The following SLC35F1 variants were observed in gnomAD, a reference collection of about 807,000 sequenced individuals.
The protein encoded by SLC35F1 is solute carrier family 35 member F1, also known as chromosome 6 open reading frame 169.
A neutral mutation model predicts 48.7 loss-of-function variants in SLC35F1; 14 were observed. The observed-to-expected ratio is 0.29, with a 90% CI of 0.19 to 0.45. The LOEUF (loss-of-function observed/expected upper bound fraction) is 0.45. SLC35F1 is among the 20% of genes least tolerant of loss of function. The probability of loss-of-function intolerance (pLI) is 1.00; values close to 1 mark genes in which losing one functional copy is unlikely to be tolerated. For missense variants in SLC35F1, 404 were observed against 500.0 expected (o/e 0.81, Z 1.83); for synonymous variants, 190 against 202.2 (o/e 0.94, Z 0.51).
rs544114793 is a variant in SLC35F1, at chr6:118,146,955, G to A, written c.174-7490G>A. On this transcript the variant is annotated intron_variant, in intron 1 of 7. Coordinates refer to ENST00000360388, the MANE Select transcript of SLC35F1 (RefSeq NM_001029858.4). ...CTTCTAAAAGTAAGTCTGAATTGTG[G>A]AGTAGAAGAAAACATAAAGCTCATT... 3.9e-5 allele frequency among the ~76,000 whole-genome samples: 6 copies of A among 152,292 alleles called. No individual in the cohort carries two copies. In the South Asian group the frequency reaches 1.2e-3, roughly 32 times the overall value.
intron 1 of SLC35F1, among the ~76,000 whole-genome samples, chr6:118,113,570 A>G (rs1773438992): frequency 6.6e-6 from 1 of 152,180 alleles, no homozygotes; most frequent in African/African-American, 2.4e-5. Context: ...GAAGTTTTTT[A>G]AGTAAGGAAA....
chr6:117,939,402 G>T (rs1998458), intron 1 of SLC35F1, among the ~76,000 whole-genome samples: 115,772 of 152,124 alleles, frequency 0.76, 44,289 homozygotes, highest in South Asian at 0.89. Context: ...CTGCATGTGA[G>T]TTTTGCATTT....
intron 1 of SLC35F1, among the ~76,000 whole-genome samples, chr6:118,117,112 C>T (rs1314271570): frequency 1.3e-5 from 2 of 152,182 alleles, no homozygotes; most frequent in Non-Finnish European, 2.9e-5. Context: ...ATGTAGGCCC[C>T]ACTCTTCTTT....
chr6:118,024,010 A>G (rs1777431983), intron 1 of SLC35F1, among the ~76,000 whole-genome samples: 2 of 152,202 alleles, frequency 1.3e-5, no homozygotes, highest in Non-Finnish European at 2.9e-5. Context: ...TTAATTTTGA[A>G]GAGTCTTCTT....
At chr6:118,071,585 A>G (rs1046805795) in intron 1 of SLC35F1, among the ~76,000 whole-genome samples, 2 of 151,950 alleles carry the variant, frequency 1.3e-5, no homozygotes, top group Non-Finnish European at 2.9e-5. Context: ...TGTGTGGTTT[A>G]TTCCCTTTTT....
At chr6:118,239,976 C>G (rs1267049612) in intron 3 of SLC35F1, among the ~76,000 whole-genome samples, 1 of 152,204 alleles carries the variant, frequency 6.6e-6, no homozygotes, top group East Asian at 1.9e-4. Flanking sequence ...TCTGTTTACT[C>G]ACTACAGATT....
At chr6:118,078,244 AGC>A (rs1458356841) in intron 1 of SLC35F1, among the ~76,000 whole-genome samples, 1 of 152,356 alleles carries the variant, frequency 6.6e-6, no homozygotes, top group Admixed American at 6.5e-5. Flanking sequence ...ACATAGAGGC[AGC>A]TCGAGTTGAA....
intron 2 of SLC35F1, among the ~76,000 whole-genome samples, chr6:118,166,717 C>T (rs1774323551): frequency 6.6e-6 from 1 of 152,140 alleles, no homozygotes; most frequent in African/African-American, 2.4e-5. Flanking sequence ...TACATGGAAA[C>T]TTATTAAGTC....
intron 1 of SLC35F1, among the ~76,000 whole-genome samples, chr6:117,924,943 G>A (rs1024766527): frequency 6.6e-6 from 1 of 152,120 alleles, no homozygotes; most frequent in Non-Finnish European, 1.5e-5. Context: ...AAGATGATTA[G>A]CTTGAAGAGA....
intron 1 of SLC35F1, among the ~76,000 whole-genome samples, chr6:117,990,613 G>A (rs1312970011): frequency 6.6e-6 from 1 of 152,182 alleles, no homozygotes; most frequent in Non-Finnish European, 1.5e-5. Context: ...CTGTACACCA[G>A]CTCATTTGTT....
intron 3 of SLC35F1, among the ~76,000 whole-genome samples, chr6:118,260,444 G>A (rs2114613322): frequency 6.6e-6 from 1 of 151,244 alleles, no homozygotes; most frequent in South Asian, 2.1e-4. Flanking sequence ...ACAGGTTTAG[G>A]GTTTTTAATT....
At chr6:117,920,875 C>A (rs1455657259) in intron 1 of SLC35F1, among the ~76,000 whole-genome samples, 2 of 151,792 alleles carry the variant, frequency 1.3e-5, no homozygotes, top group African/African-American at 4.8e-5. Flanking sequence ...GATATCTTGA[C>A]CTTTTGTGTC....
chr6:118,136,608 A>G (rs1773801050), intron 1 of SLC35F1, among the ~76,000 whole-genome samples: 2 of 152,138 alleles, frequency 1.3e-5, no homozygotes, highest in South Asian at 2.1e-4. Flanking sequence ...TTGGTCTTAA[A>G]GTCTTCCAAA....
chr6:117,923,608 C>CATATATGTATATGTACAT (rs1338477804), intron 1 of SLC35F1, among the ~76,000 whole-genome samples: 3 of 26,076 alleles, frequency 1.2e-4, no homozygotes, highest in African/African-American at 6.2e-4. Context: ...TGTATATATA[C>CATATATGTATATGTACAT]ATATACATAT....
rs73515401 is a variant in SLC35F1 at position 117,909,431 on chromosome 6, A to T, written c.173+1532A>T. On this transcript the variant is annotated intron_variant, in intron 1 of 7. Transcript: ENST00000360388. ...CTCAGTTTCTTTTTGCTCAATTATA[A>T]GTTATTACTGATTCCATGTAGGTTA... 4.6e-3 allele frequency among the ~76,000 whole-genome samples: 696 copies of T among 152,286 alleles called. 9 individuals are homozygous for T. Among genetic ancestry groups the T allele is most frequent in the African/African-American group, 0.016 (646 of 41,568 alleles).
At chr6:118,269,477 A>G (rs1051377772) in intron 4 of SLC35F1, among the ~76,000 whole-genome samples, 6 of 152,176 alleles carry the variant, frequency 3.9e-5, no homozygotes, top group Non-Finnish European at 7.3e-5. Context: ...TTATAAAATT[A>G]TGATTGGACA....
intron 7 of SLC35F1, among the ~76,000 whole-genome samples, chr6:118,305,708 A>G (rs1221035149): frequency 6.6e-6 from 1 of 152,320 alleles, no homozygotes; most frequent in South Asian, 2.1e-4. Flanking sequence ...CTTGTGTTAT[A>G]TAATAAAGAG....
intron 4 of SLC35F1, among the ~76,000 whole-genome samples, chr6:118,272,924 A>T (rs1490224524): frequency 6.7e-6 from 1 of 149,488 alleles, no homozygotes; most frequent in Non-Finnish European, 1.5e-5. Context: ...ACACTTCATT[A>T]TATAATATAA....
At chr6:118,276,205 T>C (rs1334740306) in intron 5 of SLC35F1, among the ~76,000 whole-genome samples, 2 of 152,194 alleles carry the variant, frequency 1.3e-5, no homozygotes, top group East Asian at 3.9e-4. Flanking sequence ...CTGGAACGTA[T>C]AAGTCATCCC....
Sources: gnomAD v4.1 joint callset for allele counts (sites outside exome capture counted in the v4.1 genomes callset) on GRCh38, gnomAD v4.1.1 for gene constraint, MANE v1.5 for transcripts, NCBI Gene and HGNC (gene_info 2026-07-23, HGNC 2026-07-21) for gene names.